PBOV1: variants seen among roughly 807,000 people sequenced by gnomAD.
The protein encoded by PBOV1 is prostate and breast cancer overexpressed 1, also known as prostate and breast cancer overexpressed gene 1 protein.
For synonymous variants in PBOV1, 46 were observed against 55.9 expected (o/e 0.82, Z 0.79); for missense variants, 147 against 151.4 (o/e 0.97, Z 0.15).
In PBOV1 at chr6:138,216,078, A is replaced by C. The variant is rs1013454354; in HGVS notation, c.*1910T>G. 6.6e-6 allele frequency: 1 copy of C among 151,738 alleles called. No individual in the cohort carries two copies. The highest frequency in any genetic ancestry group is 2.4e-5 in the African/African-American group (1 of 41,206). 9.4% of individuals were successfully genotyped at this position (151,738 alleles called of 1,614,324 possible). On this transcript the variant is annotated 3_prime_UTR_variant, in exon 1 of 1. Coordinates refer to ENST00000527246, the MANE Select transcript of PBOV1 (RefSeq NM_021635.3). Reference sequence around the variant, plus strand: ...ACCGCAACCTCCACCTTCCGGGTTCAAGCAATTCTCCGCCTCAGCCTCCTG... The same window carrying C: ...ACCGCAACCTCCACCTTCCGGGTTCCAGCAATTCTCCGCCTCAGCCTCCTG...
In PBOV1 at chr6:138,217,781, A is replaced by C; in HGVS notation, c.*207T>G. The C allele has an allele frequency of 3.0e-6, 2 of 660,676 alleles. No homozygotes were observed. Among genetic ancestry groups the C allele is most frequent in the Non-Finnish European group, 4.5e-6 (2 of 442,384 alleles). The allele number at this position is 660,676 out of a possible 1,614,324, so 40.9% of individuals were successfully genotyped here. ...AAACTAAATTGAGATAATAGATAAT[A>C]ATCTATGAGTTCAAGATTGAGAAAG... On this transcript the variant is annotated 3_prime_UTR_variant, in exon 1 of 1. Transcript: ENST00000527246.
Position 138,217,921 on chromosome 6 carries a change from T to A in PBOV1, c.*67A>T. 6.6e-7 allele frequency: 1 copy of A among 1,523,022 alleles called. No individual in the cohort carries two copies. Among genetic ancestry groups the A allele is most frequent in the East Asian group, 2.3e-5 (1 of 44,148 alleles). 94.3% of individuals were successfully genotyped at this position (1,523,022 alleles called of 1,614,324 possible). On this transcript the variant is annotated 3_prime_UTR_variant, in exon 1 of 1. Coordinates refer to ENST00000527246, the MANE Select transcript of PBOV1 (RefSeq NM_021635.3). ...TACTTGGCTGGGCTTAAACAGTCAT[T>A]GGTAGCAGAATTGCCTTTTCAACCA... is the stretch of plus-strand genomic sequence containing the variant.
rs749512320 is a variant in PBOV1, at chr6:138,218,150, T to G, written c.246A>C (p.Thr82=). 2 of 1,613,910 alleles carry G rather than the reference T, an allele frequency of 1.2e-6. No homozygotes were observed. The highest frequency in any genetic ancestry group is 1.7e-6 in the Non-Finnish European group (2 of 1,179,828). The change falls in exon 1 of 1, where the codon ACA becomes ACC. Residue 82 remains threonine (T), a synonymous_variant. Coordinates refer to ENST00000527246, the MANE Select transcript of PBOV1 (RefSeq NM_021635.3). ...SIEQSHHAIL[T]PLQTHLTMKG... is the part of the protein sequence containing the mutation. ...TCATGGTCAAGTGTGTCTGCAAGGG[T>G]GTGAGAATTGCATGGTGTGACTGTT...
In PBOV1 at chr6:138,216,048, A is replaced by T. The variant is rs1777845516; in HGVS notation, c.*1940T>A. ...GGCTGGAGTGCAATAGTGCAATCTC[A>T]GCTCACCGCAACCTCCACCTTCCGG... is the stretch of plus-strand genomic sequence containing the variant. On this transcript the variant is annotated 3_prime_UTR_variant, in exon 1 of 1. Transcript: ENST00000527246. 1 of 150,610 alleles carries T rather than the reference A, an allele frequency of 6.6e-6. No individual in the cohort carries two copies. The highest frequency in any genetic ancestry group is 6.6e-5 in the Admixed American group (1 of 15,066). The allele number at this position is 150,610 out of a possible 1,614,324, so 9.3% of individuals were successfully genotyped here.
rs1468218363 is a variant in PBOV1 at position 138,217,964 on chromosome 6, A to T, written c.*24T>A. The T allele has an allele frequency of 1.9e-6, 3 of 1,563,216 alleles. No homozygotes were observed. The Admixed American group carries it at 5.8e-5, about 30-fold the overall frequency. ...TTCAACCATTTTTATTTTTCTGGAA[A>T]GGCTTTGCAGCAGGGCTGAGAGTTT... On this transcript the variant is annotated 3_prime_UTR_variant, in exon 1 of 1. Coordinates refer to ENST00000527246, the MANE Select transcript of PBOV1 (RefSeq NM_021635.3).
chr6:138,217,738 C>G lies in PBOV1; in HGVS notation c.*250G>C, dbSNP rs899401995. The G allele has an allele frequency of 4.5e-6, 2 of 446,770 alleles. No homozygotes were observed. The highest frequency in any genetic ancestry group is 7.3e-6 in the Non-Finnish European group (2 of 272,922). The allele number at this position is 446,770 out of a possible 1,614,324, so 27.7% of individuals were successfully genotyped here. ...AAACACATGTGGTAGTTTTTAATGG[C>G]CCACTAGGATAAATAACAAACTAAA... On this transcript the variant is annotated 3_prime_UTR_variant, in exon 1 of 1. Transcript: ENST00000527246.
In PBOV1 at chr6:138,217,126, A is replaced by G. The variant is rs1383982789; in HGVS notation, c.*862T>C. 1 of 152,234 alleles carries G rather than the reference A, an allele frequency of 6.6e-6. No homozygotes were observed. The highest frequency in any genetic ancestry group is 1.5e-5 in the Non-Finnish European group (1 of 68,038). 9.4% of individuals were successfully genotyped at this position (152,234 alleles called of 1,614,324 possible). A position where few individuals can be genotyped will look rare whatever the true frequency, so the allele number is the denominator to read the frequency against. On this transcript the variant is annotated 3_prime_UTR_variant, in exon 1 of 1. Coordinates refer to ENST00000527246, the MANE Select transcript of PBOV1 (RefSeq NM_021635.3). ...AAATAGTTTATGCATTATTTTTGAG[A>G]TGGAGATTTTCATATTATCTATTAA...
rs1178639880 is a variant in PBOV1 at position 138,217,557 on chromosome 6, T to C, written c.*431A>G. ...ACACATTGTAATGTCTCCTCAACTCTTGACTCAGGCATGACTTGAACATTT... is the reference window on the plus strand; with the variant it reads ...ACACATTGTAATGTCTCCTCAACTCCTGACTCAGGCATGACTTGAACATTT... On this transcript the variant is annotated 3_prime_UTR_variant, in exon 1 of 1. Transcript: ENST00000527246. 1 of 156,684 alleles carries C rather than the reference T, an allele frequency of 6.4e-6. No homozygotes were observed. The highest frequency in any genetic ancestry group is 6.3e-5 in the Admixed American group (1 of 15,928). 9.7% of individuals were successfully genotyped at this position (156,684 alleles called of 1,614,324 possible). A position where few individuals can be genotyped will look rare whatever the true frequency, so the allele number is the denominator to read the frequency against.
In PBOV1 at chr6:138,218,370, T is replaced by G. The variant is rs764555788; in HGVS notation, c.26A>C (p.Lys9Thr). 9.7e-6 allele frequency: 15 copies of G among 1,543,630 alleles called. No homozygotes were observed. The South Asian group carries it at 1.5e-4, about 15-fold the overall frequency. ...AATAATATTGTGCATATCCTCATAT[T>G]TCTGGTTCCTTAAGAAGGCCCTCAT... is the stretch of plus-strand genomic sequence containing the variant. Reference protein sequence around the residue: MRAFLRNQKYEDMHNIIHI... With the variant: MRAFLRNQTYEDMHNIIHI... Residue 9 changes from lysine (K) to threonine (T), a missense_variant, in exon 1 of 1, where the codon AAA (lysine) becomes ACA (threonine). Transcript: ENST00000527246.
In PBOV1 at chr6:138,217,942, A is replaced by G; in HGVS notation, c.*46T>C. On this transcript the variant is annotated 3_prime_UTR_variant, in exon 1 of 1. Transcript: ENST00000527246. ...TCATTGGTAGCAGAATTGCCTTTTC[A>G]ACCATTTTTATTTTTCTGGAAAGGC... The G allele has an allele frequency of 1.3e-6, 2 of 1,544,130 alleles. No homozygotes were observed. Among genetic ancestry groups the G allele is most frequent in the Non-Finnish European group, 8.7e-7 (1 of 1,146,308 alleles).
At position 138,216,682 on chromosome 6, in the gene PBOV1, A is replaced by C. The variant is rs773376688; in HGVS notation, c.*1306T>G. On this transcript the variant is annotated 3_prime_UTR_variant, in exon 1 of 1. Coordinates refer to ENST00000527246, the MANE Select transcript of PBOV1 (RefSeq NM_021635.3). The stretch of plus-strand genomic sequence containing the variant: ...ATGGCTAATTTGTCTTGCTGCTTAT[A>C]ACAGGGAGAAATCTCTTCTTAGCCT... The C allele has an allele frequency of 6.6e-6, 1 of 152,230 alleles. No individual in the cohort carries two copies. The highest frequency in any genetic ancestry group is 1.5e-5 in the Non-Finnish European group (1 of 68,038). The allele number at this position is 152,230 out of a possible 1,614,324, so 9.4% of individuals were successfully genotyped here.
At position 138,218,374 on chromosome 6, in the gene PBOV1, G is replaced by C. The variant is rs868278553; in HGVS notation, c.22C>G (p.Gln8Glu). The C allele has an allele frequency of 1.9e-6, 3 of 1,542,088 alleles. No individual in the cohort carries two copies. Among genetic ancestry groups the C allele is most frequent in the Middle Eastern group, 1.7e-4 (1 of 5,932 alleles). Residue 8 changes from glutamine to glutamate, a missense_variant, in exon 1 of 1, where the codon CAG becomes GAG. By Grantham distance (29) the Gln-to-Glu change is conservative. Coordinates refer to ENST00000527246, the MANE Select transcript of PBOV1 (RefSeq NM_021635.3). MRAFLRN[Q>E]KYEDMHNIIH... The stretch of plus-strand genomic sequence containing the variant: ...ATATTGTGCATATCCTCATATTTCT[G>C]GTTCCTTAAGAAGGCCCTCATATTT...
At position 138,218,238 on chromosome 6, in the gene PBOV1, A is replaced by G. The variant is rs1777911572; in HGVS notation, c.158T>C (p.Phe53Ser). The G allele has an allele frequency of 6.2e-7, 1 of 1,613,254 alleles. No individual in the cohort carries two copies. Among genetic ancestry groups the G allele is most frequent in the South Asian group, 1.1e-5 (1 of 91,008 alleles). Residue 53 changes from phenylalanine to serine, a missense_variant, in exon 1 of 1, where the codon TTT becomes TCT. Phe to Ser is a radical substitution (Grantham distance 155, BLOSUM62 -2). Coordinates refer to ENST00000527246, the MANE Select transcript of PBOV1 (RefSeq NM_021635.3). ...TVLLPFCYKV[F>S]RKKEKVKRSQ... ...TCTTTTTACTTTTTCTTTTTTTCGA[A>G]ATACCTTGTAGCAGAATGGTAAGAG...
chr6:138,217,924 TAGC>T lies in PBOV1; in HGVS notation c.*61_*63del. 1 of 1,527,068 alleles carries T rather than the reference TAGC, an allele frequency of 6.5e-7. No homozygotes were observed. The highest frequency in any genetic ancestry group is 8.8e-7 in the Non-Finnish European group (1 of 1,136,612). 94.6% of individuals were successfully genotyped at this position (1,527,068 alleles called of 1,614,324 possible). Reference sequence around the variant, plus strand: ...TTGGCTGGGCTTAAACAGTCATTGGTAGCAGAATTGCCTTTTCAACCATTTTTA... The same window carrying T: ...TTGGCTGGGCTTAAACAGTCATTGGTAGAATTGCCTTTTCAACCATTTTTA... On this transcript the variant is annotated 3_prime_UTR_variant, in exon 1 of 1. Transcript: ENST00000527246.
In PBOV1 at chr6:138,218,346, A is replaced by G. The variant is rs751096429; in HGVS notation, c.50T>C (p.Ile17Thr). The stretch of plus-strand genomic sequence containing the variant: ...CAATTTTCTGATCTGTAAAATGTGA[A>G]TAATATTGTGCATATCCTCATATTT... The part of the protein sequence containing the change: ...NQKYEDMHNI[I>T]HILQIRKLRH... The change falls in exon 1 of 1, where the codon ATT becomes ACT. Residue 17 changes from isoleucine (I) to threonine (T), a missense_variant. Coordinates refer to ENST00000527246, the MANE Select transcript of PBOV1 (RefSeq NM_021635.3). 7.7e-6 allele frequency: 12 copies of G among 1,553,354 alleles called. No homozygotes were observed. Among genetic ancestry groups the G allele is most frequent in the Non-Finnish European group, 1.0e-5 (12 of 1,147,936 alleles).
In PBOV1 at chr6:138,215,991, TG is replaced by T. The variant is rs1554251053; in HGVS notation, c.*1996del. On this transcript the variant is annotated 3_prime_UTR_variant, in exon 1 of 1. Coordinates refer to ENST00000527246, the MANE Select transcript of PBOV1 (RefSeq NM_021635.3). ...TTTTTGTTGTTGTTGTTTTTTTTTT[TG>T]GGTGGGGGGGAGTTTTACTCCTGTT... The T allele has an allele frequency of 6.6e-6, 1 of 151,180 alleles. No individual in the cohort carries two copies. The highest frequency in any genetic ancestry group is 2.4e-5 in the African/African-American group (1 of 41,098). The allele number at this position is 151,180 out of a possible 1,614,324, so 9.4% of individuals were successfully genotyped here.
rs1342790064 is a variant in PBOV1, at chr6:138,216,230, TC to T, written c.*1757del. On this transcript the variant is annotated 3_prime_UTR_variant, in exon 1 of 1. Coordinates refer to ENST00000527246, the MANE Select transcript of PBOV1 (RefSeq NM_021635.3). ...CCCGACCTCAGGTGATCCACCCACC[TC>T]CCAAAGTGCTGGGATTACAGGCGTG... 6.6e-6 allele frequency: 1 copy of T among 152,244 alleles called. No individual in the cohort carries two copies. The highest frequency in any genetic ancestry group is 1.9e-4 in the East Asian group (1 of 5,192). 9.4% of individuals were successfully genotyped at this position (152,244 alleles called of 1,614,324 possible).
Position 138,218,402 on chromosome 6 carries a change from T to G in PBOV1, c.-7A>C. On this transcript the variant is annotated 5_prime_UTR_variant, in exon 1 of 1. Transcript: ENST00000527246. ...TCCTTAAGAAGGCCCTCATATTTAC[T>G]ACTGTAAATTGAATTGTAGCTCTGT... 1 of 1,524,494 alleles carries G rather than the reference T, an allele frequency of 6.6e-7. No homozygotes were observed. Among genetic ancestry groups the G allele is most frequent in the Non-Finnish European group, 8.8e-7 (1 of 1,136,288 alleles). The allele number at this position is 1,524,494 out of a possible 1,614,324, so 94.4% of individuals were successfully genotyped here. A position where few individuals can be genotyped will look rare whatever the true frequency, so the allele number is the denominator to read the frequency against.
At position 138,217,784 on chromosome 6, in the gene PBOV1, C is replaced by A; in HGVS notation, c.*204G>T. On this transcript the variant is annotated 3_prime_UTR_variant, in exon 1 of 1. Coordinates refer to ENST00000527246, the MANE Select transcript of PBOV1 (RefSeq NM_021635.3). ...CTAAATTGAGATAATAGATAATAAT[C>A]TATGAGTTCAAGATTGAGAAAGATC... 2.9e-6 allele frequency: 2 copies of A among 682,430 alleles called. No individual in the cohort carries two copies. Among genetic ancestry groups the A allele is most frequent in the Non-Finnish European group, 4.3e-6 (2 of 461,348 alleles). The allele number at this position is 682,430 out of a possible 1,614,324, so 42.3% of individuals were successfully genotyped here. A position where few individuals can be genotyped will look rare whatever the true frequency, so the allele number is the denominator to read the frequency against.
Sources: gnomAD v4.1 joint callset for allele counts on GRCh38, gnomAD v4.1.1 for gene constraint, MANE v1.5 for transcripts, NCBI Gene and HGNC (gene_info 2026-07-23, HGNC 2026-07-21) for gene names.